Variants in OR9Q1 observed in about 807,000 individuals in gnomAD.
The protein encoded by OR9Q1 is olfactory receptor family 9 subfamily Q member 1, also known as olfactory receptor 9Q1.
For missense variants in OR9Q1, 374 were observed against 378.8 expected, an observed-to-expected ratio of 0.99 and a Z score of 0.11; for synonymous variants, 153 against 148.6, an observed-to-expected ratio of 1.03 and a Z score of -0.22.
intron 2 of OR9Q1, chr11:58,072,264 G>A (rs1447176): frequency 0.96 from 145,882 of 152,290 alleles, 70,202 homozygotes; most frequent in East Asian, 1. Context: ...TTTTTTTCAT[G>A]TAACACATTT....
At chr11:58,141,551 G>A (rs1345843007) in intron 2 of OR9Q1, among the ~76,000 whole-genome samples, 3 of 152,190 alleles carry the variant, frequency 2.0e-5, no homozygotes, top group Non-Finnish European at 4.4e-5. Context: ...AACCAGCCTT[G>A]CATCCCAGGG....
intron 2 of OR9Q1, among the ~76,000 whole-genome samples, chr11:58,092,381 G>T (rs1320636392): frequency 6.7e-6 from 1 of 150,028 alleles, no homozygotes; most frequent in African/African-American, 2.5e-5. Flanking sequence ...CTGTATTTTT[G>T]ATGTGCAATT....
intron 2 of OR9Q1, among the ~76,000 whole-genome samples, chr11:58,086,416 A>G (rs955726208): frequency 1.1e-4 from 17 of 151,910 alleles, no homozygotes; most frequent in Non-Finnish European, 1.6e-4. Context: ...GGTAACGTAA[A>G]TGAATACAGC....
At chr11:58,129,840 G>C (rs1341551771) in intron 2 of OR9Q1, among the ~76,000 whole-genome samples, 1 of 151,304 alleles carries the variant, frequency 6.6e-6, no homozygotes, top group African/African-American at 2.4e-5. Context: ...GCTATAAGAG[G>C]GCAGGGCTTT....
At chr11:58,037,849 G>A (rs1203427680) in intron 1 of OR9Q1, among the ~76,000 whole-genome samples, 1 of 144,138 alleles carries the variant, frequency 6.9e-6, no homozygotes, top group African/African-American at 2.6e-5. Flanking sequence ...CTCCCGAGTA[G>A]CTGGGACTAC....
rs145169535 is a variant in OR9Q1, at chr11:58,152,370, C to T, written c.-14-27061C>T. Among the ~76,000 whole-genome samples the T allele has an allele frequency of 7.8e-3, 1,186 of 152,310 alleles. 3 individuals carry two copies. Among genetic ancestry groups the T allele is most frequent in the Non-Finnish European group, 0.011 (743 of 68,030 alleles). On this transcript the variant is annotated intron_variant, in intron 2 of 2. Transcript: ENST00000335397. ...GGAATTCTCTCCAGAAGGGCTGTTT[C>T]AATTTGCAGTGAATGAAAATGCTGG...
At position 58,122,818 on chromosome 11, in the gene OR9Q1, A is replaced by T. The variant is rs544384228; in HGVS notation, c.-14-56613A>T. Among the ~76,000 whole-genome samples, 4 of 152,108 alleles carry T rather than the reference A, an allele frequency of 2.6e-5. No individual in the cohort carries two copies. In the East Asian group the frequency reaches 7.7e-4, roughly 29 times the overall value. On this transcript the variant is annotated intron_variant, in intron 2 of 2. Coordinates refer to ENST00000335397, the MANE Select transcript of OR9Q1 (RefSeq NM_001005212.4). ...ATATCCTTCTATGTTTATTCTTTTC[A>T]TATTTATTTAGAAATATATGTATAT...
intron 2 of OR9Q1, among the ~76,000 whole-genome samples, chr11:58,113,573 G>A (rs17538527): frequency 6.6e-6 from 1 of 152,092 alleles, no homozygotes; most frequent in Non-Finnish European, 1.5e-5. Context: ...AATATCACCA[G>A]TGGGGACAAC....
intron 2 of OR9Q1, among the ~76,000 whole-genome samples, chr11:58,161,240 A>T (rs1262316747): frequency 1.2e-5 from 1 of 81,404 alleles, no homozygotes; most frequent in East Asian, 2.7e-4. Context: ...CGTAAAGTAT[A>T]AAAAAAAAAA....
At chr11:58,042,921 G>C (rs141738316) in intron 1 of OR9Q1, among the ~76,000 whole-genome samples, 24,432 of 152,092 alleles carry the variant, frequency 0.16, 2,089 homozygotes, top group Non-Finnish European at 0.2. Context: ...GTAAATGGGA[G>C]TTCACTCATG....
chr11:58,154,386 T>C (rs1257466087), intron 2 of OR9Q1, among the ~76,000 whole-genome samples: 2 of 151,452 alleles, frequency 1.3e-5, no homozygotes, highest in Non-Finnish European at 2.9e-5. Context: ...TGGATTTTTT[T>C]TTTTTTTTTG....
At chr11:58,043,404 A>G (rs779991366) in intron 1 of OR9Q1, among the ~76,000 whole-genome samples, 3 of 152,080 alleles carry the variant, frequency 2.0e-5, no homozygotes, top group Non-Finnish European at 4.4e-5. Flanking sequence ...CTATTTGTCT[A>G]TTCATTTCCC....
At chr11:58,079,981 G>C (rs1853573784) in intron 2 of OR9Q1, among the ~76,000 whole-genome samples, 1 of 152,170 alleles carries the variant, frequency 6.6e-6, no homozygotes, top group Non-Finnish European at 1.5e-5. Context: ...ACGCAGCAAA[G>C]AGTAATAAAT....
At chr11:58,079,519 C>T (rs915778115) in intron 2 of OR9Q1, among the ~76,000 whole-genome samples, 7 of 152,104 alleles carry the variant, frequency 4.6e-5, no homozygotes, top group Admixed American at 1.3e-4. Flanking sequence ...CAACTCTCAT[C>T]GAAAGACTGA....
At chr11:58,054,108 A>G (rs1316009153) in intron 1 of OR9Q1, among the ~76,000 whole-genome samples, 1 of 152,220 alleles carries the variant, frequency 6.6e-6, no homozygotes, top group Non-Finnish European at 1.5e-5. Context: ...CCATGAATAC[A>G]TACAATTTTT....
chr11:58,090,505 G>A (rs1012191866), intron 2 of OR9Q1, among the ~76,000 whole-genome samples: 7 of 152,102 alleles, frequency 4.6e-5, no homozygotes, highest in African/African-American at 7.2e-5. Flanking sequence ...CGACTTGATC[G>A]TGGTGGATAA....
At chr11:58,063,595 G>T (rs1022128079) in intron 2 of OR9Q1, among the ~76,000 whole-genome samples, 18 of 152,110 alleles carry the variant, frequency 1.2e-4, no homozygotes, top group African/African-American at 4.3e-4. Context: ...ACTGACTGAC[G>T]ATAGGTACAT....
intron 2 of OR9Q1, among the ~76,000 whole-genome samples, chr11:58,084,752 T>C (rs1016874744): frequency 3.3e-5 from 5 of 152,004 alleles, no homozygotes; most frequent in Middle Eastern, 3.4e-3. Flanking sequence ...CCTTTCATGT[T>C]AGAAACCCTC....
At chr11:58,159,337 T>C (rs551870498) in intron 2 of OR9Q1, among the ~76,000 whole-genome samples, 1 of 152,322 alleles carries the variant, frequency 6.6e-6, no homozygotes, top group East Asian at 1.9e-4. Context: ...AAGAGTATTG[T>C]TGCTTCTTGC....
Sources: allele counts gnomAD v4.1 joint callset (sites outside exome capture counted in the v4.1 genomes callset), GRCh38; gene constraint gnomAD v4.1.1; transcripts MANE v1.5; gene names NCBI Gene and HGNC (gene_info 2026-07-23, HGNC 2026-07-21).